LARGE1: variants seen among roughly 807,000 people sequenced by gnomAD.
LARGE1 encodes LARGE xylosyl- and glucuronyltransferase 1.
A neutral mutation model predicts 87.6 loss-of-function variants in LARGE1; 43 were observed. That is an observed-to-expected ratio of 0.49 (90% confidence interval 0.38 to 0.63). LARGE1 has a LOEUF of 0.63. LARGE1 is among the 30% of genes least tolerant of loss of function. The pLI is 0.00. For missense variants in LARGE1, 802 were observed against 1,000.2 expected, an observed-to-expected ratio of 0.80 and a Z score of 2.67; for synonymous variants, 434 against 394.6, an observed-to-expected ratio of 1.10 and a Z score of -1.18.
At chr22:33,132,194 A>AT in the LARGE1 span, among the ~76,000 whole-genome samples, 73 of 151,948 alleles carry the variant, frequency 4.8e-4, no homozygotes, top group African/African-American at 1.6e-3. Flanking sequence ...TTATTTATTT[A>AT]TTTTTTTGAG....
At chr22:33,872,483 G>A (rs9621789) in intron 1 of LARGE1, among the ~76,000 whole-genome samples, 23,390 of 151,462 alleles carry the variant, frequency 0.15, 1,891 homozygotes, top group South Asian at 0.31. Context: ...CATCACCAGT[G>A]TCATCATCGC....
chr22:33,432,953 G>A (rs890419316), intron 6 of LARGE1, among the ~76,000 whole-genome samples: 11 of 152,168 alleles, frequency 7.2e-5, no homozygotes, highest in African/African-American at 1.4e-4. Context: ...CAGAGCTGGC[G>A]TTGATGTTGG....
chr22:33,266,390 T>G (rs1379983205), intron 11 of LARGE1, among the ~76,000 whole-genome samples: 1 of 151,080 alleles, frequency 6.6e-6, no homozygotes, highest in African/African-American at 2.5e-5. Context: ...CCCAGCTAAT[T>G]TTTTCGTATT....
At chr22:33,857,001 G>T (rs998541549) in intron 1 of LARGE1, among the ~76,000 whole-genome samples, 1 of 152,152 alleles carries the variant, frequency 6.6e-6, no homozygotes, top group African/African-American at 2.4e-5. Context: ...CGTGATCTCA[G>T]TTCACTGCAA....
the LARGE1 span, among the ~76,000 whole-genome samples, chr22:33,108,115 T>C: frequency 6.6e-6 from 1 of 152,192 alleles, no homozygotes; most frequent in Non-Finnish European, 1.5e-5. Context: ...CTAAATTACA[T>C]GTGTGCCGTT....
intron 1 of LARGE1, among the ~76,000 whole-genome samples, chr22:33,865,913 ATC>A (rs1381382787): frequency 8.6e-6 from 1 of 116,702 alleles, no homozygotes; most frequent in African/African-American, 3.2e-5. Context: ...CAGTGGCATG[ATC>A]TGAGTTCACT....
At chr22:33,777,498 C>T (rs1012833500) in intron 1 of LARGE1, among the ~76,000 whole-genome samples, 1 of 151,964 alleles carries the variant, frequency 6.6e-6, no homozygotes, top group Non-Finnish European at 1.5e-5. Context: ...TTTAAATTAG[C>T]CAGGTGTGGT....
At chr22:33,251,301 T>C (rs992160301) in intron 11 of LARGE1, among the ~76,000 whole-genome samples, 1 of 152,218 alleles carries the variant, frequency 6.6e-6, no homozygotes, top group Non-Finnish European at 1.5e-5. Context: ...CTGATGGCTC[T>C]TTCTCTGTGG....
At chr22:33,359,957 A>G (rs1387949702) in intron 9 of LARGE1, among the ~76,000 whole-genome samples, 1 of 149,508 alleles carries the variant, frequency 6.7e-6, no homozygotes, top group Non-Finnish European at 1.5e-5. Context: ...ATCTGAGCCC[A>G]TATATGGGAC....
At chr22:33,907,295 G>A (rs1363848314) in intron 1 of LARGE1, among the ~76,000 whole-genome samples, 1 of 152,144 alleles carries the variant, frequency 6.6e-6, no homozygotes, top group East Asian at 1.9e-4. Flanking sequence ...GAATACTAGA[G>A]GCAATACTAA....
At chr22:33,159,455 T>G (rs553280113), downstream of LARGE1, among the ~76,000 whole-genome samples, 8 of 151,910 alleles carry the variant, frequency 5.3e-5, 1 homozygote, top group Admixed American at 3.3e-4. Context: ...AATCATAAAA[T>G]AAATTTAAAA....
At chr22:33,724,242 G>C (rs2083198769) in intron 2 of LARGE1, 1 of 152,516 alleles carries the variant, frequency 6.6e-6, no homozygotes, top group Non-Finnish European at 1.5e-5. Flanking sequence ...ACCACAGGTA[G>C]AGAAGTGTCA....
downstream of LARGE1, among the ~76,000 whole-genome samples, chr22:33,271,859 T>A (rs1273126822): frequency 6.6e-6 from 1 of 152,226 alleles, no homozygotes; most frequent in Non-Finnish European, 1.5e-5. Flanking sequence ...TGGCTTACAG[T>A]GTAAGGCACC....
chr22:33,687,244 C>G (rs2081972221), intron 2 of LARGE1, among the ~76,000 whole-genome samples: 1 of 151,646 alleles, frequency 6.6e-6, no homozygotes, highest in Non-Finnish European at 1.5e-5. Context: ...ATCCTCCTGC[C>G]TTGGCCTCTC....
intron 2 of LARGE1, among the ~76,000 whole-genome samples, chr22:33,709,907 G>T (rs539722305): frequency 1.3e-5 from 2 of 150,370 alleles, no homozygotes; most frequent in Non-Finnish European, 2.9e-5. Flanking sequence ...GATTACAGGC[G>T]TGAGCCACCA....
At position 33,376,184 on chromosome 22, in the gene LARGE1, T is replaced by C. The variant is rs368551391; in HGVS notation, c.1131+5735A>G. ...AAATAGAAAATTTCCCATATGGCTATGATTTAAAGAAAAAAATGCGGACAC... is the reference window on the plus strand; with the variant it reads ...AAATAGAAAATTTCCCATATGGCTACGATTTAAAGAAAAAAATGCGGACAC... On this transcript the variant is annotated intron_variant, in intron 9 of 14. Transcript: ENST00000397394. Among the ~76,000 whole-genome samples the C allele has an allele frequency of 9.1e-4, 138 of 152,314 alleles. 2 individuals carry two copies. The South Asian group carries it at 0.026, about 29-fold the overall frequency.
At chr22:33,536,003 T>C (rs1339165582) in intron 6 of LARGE1, among the ~76,000 whole-genome samples, 1 of 152,198 alleles carries the variant, frequency 6.6e-6, no homozygotes, top group Non-Finnish European at 1.5e-5. Flanking sequence ...ATAATTCGCA[T>C]GAAACAAAAA....
At chr22:33,206,848 G>A (rs1478198423) in intron 11 of LARGE1, among the ~76,000 whole-genome samples, 1 of 152,306 alleles carries the variant, frequency 6.6e-6, no homozygotes, top group South Asian at 2.1e-4. Flanking sequence ...AAATGCTGTT[G>A]GCTCCTCCTT....
At chr22:33,150,811 CAT>C in the LARGE1 span, among the ~76,000 whole-genome samples, 1 of 152,130 alleles carries the variant, frequency 6.6e-6, no homozygotes, top group African/African-American at 2.4e-5. Flanking sequence ...GATGTGTGAG[CAT>C]ATCTCTTTGT....
Sources: allele counts gnomAD v4.1 joint callset (sites outside exome capture counted in the v4.1 genomes callset), GRCh38; gene constraint gnomAD v4.1.1; transcripts MANE v1.5; gene names NCBI Gene and HGNC (gene_info 2026-07-23, HGNC 2026-07-21).